The following MSI2 variants were observed in gnomAD, a reference collection of about 807,000 sequenced individuals.
MSI2 encodes musashi RNA binding protein 2, also known as RNA-binding protein Musashi homolog 2.
Under a neutral mutation model 45.6 loss-of-function variants are expected in MSI2, and 17 were observed. The observed-to-expected ratio is 0.37, with a 90% CI of 0.26 to 0.56. The LOEUF is 0.56. MSI2 is among the 20% of genes least tolerant of loss of function. MSI2 has a pLI of 0.77. For missense variants in MSI2, 293 were observed against 444.2 expected, an observed-to-expected ratio of 0.66 and a Z score of 3.06; for synonymous variants, 156 against 158.2, an observed-to-expected ratio of 0.99 and a Z score of 0.11.
chr17:57,589,292 G>A (rs1039510505), intron 7 of MSI2, among the ~76,000 whole-genome samples: 1 of 152,206 alleles, frequency 6.6e-6, no homozygotes, highest in Non-Finnish European at 1.5e-5. Context: ...TCAGAAACAT[G>A]CTGCTGCTTT....
chr17:57,634,894 C>T (rs1909724197), intron 10 of MSI2, among the ~76,000 whole-genome samples: 1 of 152,220 alleles, frequency 6.6e-6, no homozygotes, highest in African/African-American at 2.4e-5. Context: ...AAGACTACAT[C>T]TCTTCCCTTT....
intron 7 of MSI2, among the ~76,000 whole-genome samples, chr17:57,581,481 A>C (rs557798960): frequency 6.6e-6 from 1 of 152,286 alleles, no homozygotes; most frequent in African/African-American, 2.4e-5. Flanking sequence ...GTCTTAAAAG[A>C]GTGTGTTGCT....
At chr17:57,390,305 G>A (rs1185340501) in intron 5 of MSI2, among the ~76,000 whole-genome samples, 1 of 152,244 alleles carries the variant, frequency 6.6e-6, no homozygotes, top group African/African-American at 2.4e-5. Flanking sequence ...TTTCCCGTTA[G>A]ATGGCAGAAG....
rs538121854 is a variant in MSI2, at chr17:57,543,740, T to C, written c.454+14016T>C. Among the ~76,000 whole-genome samples the C allele has an allele frequency of 3.3e-5, 5 of 152,236 alleles. No homozygotes were observed. In the East Asian group the frequency reaches 9.6e-4, roughly 29 times the overall value. ...ATGGTTTAATTTGCTCCCTCCCCCATGCTGTCTTACCTTTTCAAAAATGGG... is the reference window on the plus strand; with the variant it reads ...ATGGTTTAATTTGCTCCCTCCCCCACGCTGTCTTACCTTTTCAAAAATGGG... On this transcript the variant is annotated intron_variant, in intron 7 of 13. Coordinates refer to ENST00000284073, the MANE Select transcript of MSI2 (RefSeq NM_138962.4).
At chr17:57,659,228 G>T (rs950700331) in intron 11 of MSI2, among the ~76,000 whole-genome samples, 8 of 151,842 alleles carry the variant, frequency 5.3e-5, no homozygotes, top group African/African-American at 1.9e-4. Flanking sequence ...CCCGGCTTTG[G>T]TTTTTTTGTG....
At chr17:57,634,954 G>A (rs562480629) in intron 10 of MSI2, among the ~76,000 whole-genome samples, 1 of 152,332 alleles carries the variant, frequency 6.6e-6, no homozygotes, top group African/African-American at 2.4e-5. Flanking sequence ...GATCCCATTG[G>A]TCAGAACTTG....
chr17:57,657,238 G>A (rs1214843301), intron 11 of MSI2, among the ~76,000 whole-genome samples: 1 of 152,218 alleles, frequency 6.6e-6, no homozygotes, highest in Admixed American at 6.5e-5. Flanking sequence ...AGTAAGGCCA[G>A]TCTGCCACCA....
intron 5 of MSI2, among the ~76,000 whole-genome samples, chr17:57,392,977 C>T (rs1014259723): frequency 1.3e-5 from 2 of 152,116 alleles, no homozygotes; most frequent in African/African-American, 4.8e-5. Context: ...GTGCACCCAT[C>T]ACCACAGTCA....
chr17:57,450,670 C>CAAAAAAAAAA (rs58773765), intron 6 of MSI2, among the ~76,000 whole-genome samples: 1 of 31,962 alleles, frequency 3.1e-5, no homozygotes, highest in African/African-American at 1.2e-4. Context: ...GACTGCATCT[C>CAAAAAAAAAA]AAAAAAAAAA....
chr17:57,490,986 G>A (rs1350424252), intron 6 of MSI2, among the ~76,000 whole-genome samples: 3 of 152,180 alleles, frequency 2.0e-5, no homozygotes, highest in African/African-American at 7.2e-5. Context: ...GCACGCTGGC[G>A]GTTTCTGCCA....
At chr17:57,257,887 C>T (rs1906949884) in intron 3 of MSI2, among the ~76,000 whole-genome samples, 1 of 152,012 alleles carries the variant, frequency 6.6e-6, no homozygotes, top group African/African-American at 2.4e-5. Flanking sequence ...ACACTCCCAG[C>T]TCCCCAAACT....
chr17:57,655,534 C>T (rs1425316816), intron 11 of MSI2, among the ~76,000 whole-genome samples: 1 of 140,514 alleles, frequency 7.1e-6, no homozygotes, highest in African/African-American at 2.5e-5. Flanking sequence ...GGACCCCTTA[C>T]TGTACTTTAT....
At chr17:57,525,035 T>A (rs1245942639) in intron 6 of MSI2, among the ~76,000 whole-genome samples, 1 of 152,178 alleles carries the variant, frequency 6.6e-6, no homozygotes, top group Non-Finnish European at 1.5e-5. Flanking sequence ...TAACAGTCCC[T>A]CTGATGATGA....
Position 57,549,285 on chromosome 17 carries a change from C to T in MSI2, c.454+19561C>T, listed in dbSNP as rs913487058. 4.1e-5 allele frequency among the ~76,000 whole-genome samples: 6 copies of T among 146,780 alleles called. No individual in the cohort carries two copies. In the South Asian group the frequency reaches 6.5e-4, roughly 16 times the overall value. On this transcript the variant is annotated intron_variant, in intron 7 of 13. Coordinates refer to ENST00000284073, the MANE Select transcript of MSI2 (RefSeq NM_138962.4). Reference sequence around the variant, plus strand: ...CTAGCCTGCAGGGGTTTATGCTTTGCGAAAACAAGCCCACCTCCCCACTGC... The same window carrying T: ...CTAGCCTGCAGGGGTTTATGCTTTGTGAAAACAAGCCCACCTCCCCACTGC...
At chr17:57,314,370 G>A (rs758447178) in intron 5 of MSI2, among the ~76,000 whole-genome samples, 4 of 152,096 alleles carry the variant, frequency 2.6e-5, no homozygotes, top group Admixed American at 6.5e-5. Context: ...AGTTTTTCAA[G>A]GAGATGGAGT....
chr17:57,582,113 G>A (rs140004035), intron 7 of MSI2, among the ~76,000 whole-genome samples: 78 of 152,182 alleles, frequency 5.1e-4, no homozygotes, highest in African/African-American at 1.8e-3. Context: ...TTCTTGGTGT[G>A]GGGAGGGGTC....
intron 7 of MSI2, among the ~76,000 whole-genome samples, chr17:57,550,691 C>T (rs933759647): frequency 6.6e-6 from 1 of 152,074 alleles, no homozygotes; most frequent in Non-Finnish European, 1.5e-5. Context: ...GGTTTGAAGC[C>T]GGGCTGGAAA....
At chr17:57,416,086 GCTT>G (rs1399984435) in intron 6 of MSI2, among the ~76,000 whole-genome samples, 3 of 152,302 alleles carry the variant, frequency 2.0e-5, no homozygotes, top group South Asian at 4.1e-4. Flanking sequence ...CAAATTGTCA[GCTT>G]CTGTTGAGAA....
chr17:57,352,159 A>G (rs1352127664), intron 5 of MSI2, among the ~76,000 whole-genome samples: 2 of 152,210 alleles, frequency 1.3e-5, no homozygotes, highest in Non-Finnish European at 2.9e-5. Context: ...GTAGGCACTC[A>G]ACAAGTATAT....
Sources: allele counts gnomAD v4.1 joint callset (sites outside exome capture counted in the v4.1 genomes callset), GRCh38; gene constraint gnomAD v4.1.1; transcripts MANE v1.5; gene names NCBI Gene and HGNC (gene_info 2026-07-23, HGNC 2026-07-21).